The following CNTN5 variants were observed in gnomAD, a reference collection of about 807,000 sequenced individuals.
The protein encoded by CNTN5 is contactin-5.
A neutral mutation model predicts 129.1 loss-of-function variants in CNTN5; 77 were observed. The observed-to-expected ratio is 0.60, with a 90% CI of 0.50 to 0.72. The LOEUF (loss-of-function observed/expected upper bound fraction) is 0.72. CNTN5 is among the 30% of genes least tolerant of loss of function. CNTN5 has a pLI of 0.00. For synonymous variants in CNTN5, 509 were observed against 465.6 expected, an observed-to-expected ratio of 1.09 and a Z score of -1.20; for missense variants, 1,478 against 1,328.8, an observed-to-expected ratio of 1.11 and a Z score of -1.75.
At chr11:100,266,645 T>TTTTTC (rs1950309379) in intron 17 of CNTN5, among the ~76,000 whole-genome samples, 1 of 150,690 alleles carries the variant, frequency 6.6e-6, no homozygotes, top group African/African-American at 2.4e-5. Flanking sequence ...TTTTTTTTTT[T>TTTTTC]CACTTTAAAG....
At chr11:100,353,805 T>C (rs1565447419) in intron 24 of CNTN5, among the ~76,000 whole-genome samples, 1 of 151,678 alleles carries the variant, frequency 6.6e-6, no homozygotes, top group African/African-American at 2.4e-5. Flanking sequence ...CATTTGTGTG[T>C]GTGTGTGTGC....
rs938240180 is a variant in CNTN5 at position 99,200,191 on chromosome 11, T to A, written c.-209-125155T>A. On this transcript the variant is annotated intron_variant, in intron 1 of 24. Coordinates refer to ENST00000524871, the MANE Select transcript of CNTN5 (RefSeq NM_014361.4). ...AAAAGATCTCTCACCACCACCATAT[T>A]ACCATTAGCTATCTGATTTTGAGTA... 2.0e-5 allele frequency among the ~76,000 whole-genome samples: 3 copies of A among 152,186 alleles called. No individual in the cohort carries two copies. In the East Asian group the frequency reaches 5.8e-4, roughly 29 times the overall value.
At chr11:99,233,759 G>C (rs1438198907) in intron 1 of CNTN5, among the ~76,000 whole-genome samples, 1 of 152,020 alleles carries the variant, frequency 6.6e-6, no homozygotes, top group Non-Finnish European at 1.5e-5. Context: ...CATCCTGGCT[G>C]ACCCGGTGAA....
intron 1 of CNTN5, among the ~76,000 whole-genome samples, chr11:99,321,014 G>A (rs530649848): frequency 6.6e-6 from 1 of 152,252 alleles, no homozygotes; most frequent in Non-Finnish European, 1.5e-5. Context: ...CTTTTGATCT[G>A]AGACATTGCT....
chr11:99,585,007 A>G (rs1389689868), intron 3 of CNTN5, among the ~76,000 whole-genome samples: 2 of 152,230 alleles, frequency 1.3e-5, no homozygotes, highest in Non-Finnish European at 2.9e-5. Context: ...ATCCAACTTC[A>G]TGAGCTAGAC....
intron 1 of CNTN5, among the ~76,000 whole-genome samples, chr11:99,222,281 T>A (rs7936077): frequency 0.73 from 110,582 of 151,486 alleles, 40,710 homozygotes; most frequent in East Asian, 0.99. Flanking sequence ...AAGAAAATGT[T>A]TATACATATA....
intron 6 of CNTN5, among the ~76,000 whole-genome samples, chr11:99,850,390 A>G (rs916452326): frequency 1.3e-5 from 2 of 152,168 alleles, no homozygotes; most frequent in African/African-American, 4.8e-5. Flanking sequence ...ATGACAAGGA[A>G]CTGAGTATTG....
chr11:99,393,176 GAAGGA>G (rs947815303), intron 2 of CNTN5, among the ~76,000 whole-genome samples: 12 of 151,952 alleles, frequency 7.9e-5, no homozygotes, highest in African/African-American at 2.9e-4. Flanking sequence ...TCTCCAACTG[GAAGGA>G]AAGTGTACTC....
At chr11:99,735,939 C>A (rs1943692129) in intron 3 of CNTN5, among the ~76,000 whole-genome samples, 1 of 152,118 alleles carries the variant, frequency 6.6e-6, no homozygotes, top group Non-Finnish European at 1.5e-5. Context: ...CATTCATCCT[C>A]CCCCAGCCCC....
intron 2 of CNTN5, among the ~76,000 whole-genome samples, chr11:99,340,794 T>G (rs1162093879): frequency 6.6e-6 from 1 of 152,228 alleles, no homozygotes; most frequent in Non-Finnish European, 1.5e-5. Context: ...ATGAAAGTAA[T>G]TAATTGCAAA....
chr11:99,529,393 A>T (rs543944884), intron 2 of CNTN5, among the ~76,000 whole-genome samples: 31 of 152,308 alleles, frequency 2.0e-4, no homozygotes, highest in African/African-American at 7.2e-4. Context: ...ATCCTCTTAA[A>T]CCATACTTCA....
intron 3 of CNTN5, among the ~76,000 whole-genome samples, chr11:99,765,247 G>A (rs533627567): frequency 6.6e-6 from 1 of 151,784 alleles, no homozygotes; most frequent in Non-Finnish European, 1.5e-5. Context: ...AAAAATAATT[G>A]GGATTAAAGA....
At chr11:99,278,700 A>G (rs1863560286) in intron 1 of CNTN5, among the ~76,000 whole-genome samples, 1 of 151,742 alleles carries the variant, frequency 6.6e-6, no homozygotes, top group Admixed American at 6.6e-5. Context: ...GAGCTTATAT[A>G]CCTCATCCAA....
rs1213619538 is a variant in CNTN5, at chr11:99,819,572, C to T, written c.84C>T (p.Ser28=). ...SEYSKSLPGL[S]TSYAALLRIK... ...ATTCAAAATCTCTTCCTGGTCTCTC[C>T]ACTTCATATGCTGCTTTGTTAAGAA... The change falls in exon 4 of 25, where the codon TCC becomes TCT. Residue 28 remains serine (S), a synonymous_variant. Transcript: ENST00000524871. 2 of 1,612,608 alleles carry T rather than the reference C, an allele frequency of 1.2e-6. No homozygotes were observed. Among genetic ancestry groups the T allele is most frequent in the East Asian group, 2.2e-5 (1 of 44,818 alleles).
At chr11:100,349,693 AC>A (rs1952361828) in intron 23 of CNTN5, among the ~76,000 whole-genome samples, 3 of 151,904 alleles carry the variant, frequency 2.0e-5, no homozygotes, top group African/African-American at 7.2e-5. Flanking sequence ...CACTTATAAT[AC>A]CAATTATGAA....
chr11:99,572,824 G>A (rs192029064), intron 3 of CNTN5, among the ~76,000 whole-genome samples: 19 of 152,138 alleles, frequency 1.2e-4, no homozygotes, highest in Non-Finnish European at 2.4e-4. Context: ...GAAGAATTGA[G>A]AATGGAAGAA....
chr11:99,817,803 T>G (rs1946642654), intron 3 of CNTN5, among the ~76,000 whole-genome samples: 1 of 152,046 alleles, frequency 6.6e-6, no homozygotes, highest in Non-Finnish European at 1.5e-5. Context: ...AGACTTTATG[T>G]CTACCCATAA....
At chr11:99,815,813 A>G (rs1311920978) in intron 3 of CNTN5, among the ~76,000 whole-genome samples, 2 of 152,188 alleles carry the variant, frequency 1.3e-5, no homozygotes, top group Non-Finnish European at 2.9e-5. Context: ...AAATTCAAGT[A>G]TTGGCATTTC....
intron 2 of CNTN5, among the ~76,000 whole-genome samples, chr11:99,406,575 A>G (rs1942077485): frequency 6.6e-6 from 1 of 152,056 alleles, no homozygotes; most frequent in Non-Finnish European, 1.5e-5. Context: ...TGCTCATTCA[A>G]AGCCCTGGGG....
Sources: allele counts gnomAD v4.1 joint callset (sites outside exome capture counted in the v4.1 genomes callset), GRCh38; gene constraint gnomAD v4.1.1; transcripts MANE v1.5; gene names NCBI Gene and HGNC (gene_info 2026-07-23, HGNC 2026-07-21).